The following ATRNL1 variants were observed in gnomAD, a reference collection of about 807,000 sequenced individuals.
ATRNL1 encodes the protein attractin like 1, also known as attractin-like protein 1.
In ATRNL1, 95 loss-of-function variants were observed where a neutral mutation model predicts 182.7. That is an observed-to-expected ratio of 0.52 (90% CI 0.44 to 0.62). The LOEUF (loss-of-function observed/expected upper bound fraction) is 0.62, where lower values mean the gene tolerates loss of function less well. ATRNL1 is among the 20% of genes least tolerant of loss of function. The probability of loss-of-function intolerance (pLI) is 0.00; values close to 1 mark genes in which losing one functional copy is unlikely to be tolerated. For synonymous variants in ATRNL1, 576 were observed against 568.3 expected, an observed-to-expected ratio of 1.01 and a Z score of -0.19; for missense variants, 1,471 against 1,679.5, an observed-to-expected ratio of 0.88 and a Z score of 2.17.
intron 18 of ATRNL1, among the ~76,000 whole-genome samples, chr10:115,321,011 G>A (rs530284148): frequency 4.6e-5 from 7 of 152,188 alleles, no homozygotes; most frequent in African/African-American, 7.2e-5. Flanking sequence ...ATCTTCTTGA[G>A]TTTGTCTAGT....
intron 27 of ATRNL1, among the ~76,000 whole-genome samples, chr10:115,743,156 A>G (rs1555068112): frequency 6.8e-6 from 1 of 148,070 alleles, no homozygotes; most frequent in Non-Finnish European, 1.5e-5. Flanking sequence ...GACACCACAC[A>G]TGGGGATTAC....
chr10:115,325,675 A>T lies in ATRNL1; in HGVS notation c.3038-8607A>T, dbSNP rs554611172. Among the ~76,000 whole-genome samples, 6 of 152,264 alleles carry T rather than the reference A, an allele frequency of 3.9e-5. No individual in the cohort carries two copies. In the East Asian group the frequency reaches 1.2e-3, roughly 29 times the overall value. On this transcript the variant is annotated intron_variant, in intron 18 of 28. Coordinates refer to ENST00000355044, the MANE Select transcript of ATRNL1 (RefSeq NM_207303.4). ...CCCTATGACTAACCTTTGTTTTCAG[A>T]ATTTTTCTTATTCAGGAAAGGAGGG...
chr10:115,518,879 A>G (rs181625042), intron 24 of ATRNL1, among the ~76,000 whole-genome samples: 1 of 151,850 alleles, frequency 6.6e-6, no homozygotes, highest in Non-Finnish European at 1.5e-5. Context: ...AAACATTTGT[A>G]TATATATATG....
At chr10:115,242,009 T>G (rs1592311164) in intron 10 of ATRNL1, among the ~76,000 whole-genome samples, 1 of 152,164 alleles carries the variant, frequency 6.6e-6, no homozygotes, top group East Asian at 1.9e-4. Context: ...GAACACTATA[T>G]CAGTTTATTG....
intron 27 of ATRNL1, chr10:115,820,343 GC>G (rs1950262942): frequency 6.6e-6 from 1 of 152,066 alleles, no homozygotes; most frequent in African/African-American, 2.4e-5. Flanking sequence ...CCCTAGTTGT[GC>G]GTATCTCCAG....
chr10:115,487,756 C>T (rs1335975067), intron 24 of ATRNL1, among the ~76,000 whole-genome samples: 1 of 152,148 alleles, frequency 6.6e-6, no homozygotes, highest in Non-Finnish European at 1.5e-5. Context: ...GCCAGAACTT[C>T]CAATACTATG....
At chr10:115,486,707 T>A (rs1401172811) in intron 24 of ATRNL1, among the ~76,000 whole-genome samples, 1 of 152,184 alleles carries the variant, frequency 6.6e-6, no homozygotes, top group Non-Finnish European at 1.5e-5. Context: ...TTCACTCTGA[T>A]AATAGTTTCT....
chr10:115,645,486 A>G (rs1859546988), intron 26 of ATRNL1, among the ~76,000 whole-genome samples: 1 of 147,540 alleles, frequency 6.8e-6, no homozygotes, highest in Non-Finnish European at 1.5e-5. Context: ...TATCTATATA[A>G]TAGAGATTTA....
intron 26 of ATRNL1, among the ~76,000 whole-genome samples, chr10:115,646,291 A>T (rs1747852921): frequency 6.6e-6 from 1 of 152,212 alleles, no homozygotes; most frequent in East Asian, 1.9e-4. Context: ...TGGACCCTTT[A>T]TTAGATAATT....
At chr10:115,159,846 A>G (rs1554882817) in intron 5 of ATRNL1, among the ~76,000 whole-genome samples, 194 bp from the exon 6 acceptor site, 1 of 151,794 alleles carries the variant, frequency 6.6e-6, no homozygotes, top group East Asian at 1.9e-4. Context: ...TTGTGAGTAT[A>G]TGACTTTTTT....
At chr10:115,525,683 A>G (rs1851174762) in intron 25 of ATRNL1, among the ~76,000 whole-genome samples, 1 of 151,978 alleles carries the variant, frequency 6.6e-6, no homozygotes, top group South Asian at 2.1e-4. Flanking sequence ...AGGCATTTCA[A>G]TTTCACTTGT....
chr10:115,439,694 C>G (rs1846574959), intron 21 of ATRNL1, among the ~76,000 whole-genome samples: 1 of 151,734 alleles, frequency 6.6e-6, no homozygotes, highest in Middle Eastern at 3.2e-3. Flanking sequence ...CTATTCTGGA[C>G]TATCCTGGTA....
At chr10:115,115,270 G>C (rs535006651) in intron 1 of ATRNL1, among the ~76,000 whole-genome samples, 4 of 152,032 alleles carry the variant, frequency 2.6e-5, no homozygotes, top group African/African-American at 9.6e-5. Flanking sequence ...TTGGTCAAAG[G>C]GTGCAAAGTT....
chr10:115,377,759 A>G (rs1482452592), intron 19 of ATRNL1, among the ~76,000 whole-genome samples: 1 of 152,054 alleles, frequency 6.6e-6, no homozygotes, highest in Non-Finnish European at 1.5e-5. Flanking sequence ...CTCTGAAATT[A>G]TGGTTGAATG....
At position 115,307,942 on chromosome 10, in the gene ATRNL1, CT is replaced by C. The variant is rs782116139; in HGVS notation, c.2818+5900del. 4.6e-4 allele frequency among the ~76,000 whole-genome samples: 9 copies of C among 19,682 alleles called. No individual in the cohort carries two copies. The Admixed American group carries it at 5.1e-3, about 11-fold the overall frequency. 12.9% of individuals were successfully genotyped at this position (19,682 alleles called of 152,430 possible). On this transcript the variant is annotated intron_variant, in intron 17 of 28. Transcript: ENST00000355044. ...TATATATTTACATTATCGTTTTCTACTACACGTCTATTCATTTAACATTTGA... is the reference window on the plus strand; with the variant it reads ...TATATATTTACATTATCGTTTTCTACACACGTCTATTCATTTAACATTTGA...
intron 18 of ATRNL1, among the ~76,000 whole-genome samples, chr10:115,319,778 T>C (rs1854491992): frequency 6.6e-6 from 1 of 152,214 alleles, no homozygotes; most frequent in East Asian, 1.9e-4. Flanking sequence ...TTTGAGCCTA[T>C]GTGTGTCTTT....
intron 8 of ATRNL1, among the ~76,000 whole-genome samples, chr10:115,189,555 T>A (rs1848087977): frequency 6.6e-6 from 1 of 151,968 alleles, no homozygotes; most frequent in Admixed American, 6.6e-5. Context: ...TAGCAAAAAA[T>A]TTTAAAAAAT....
chr10:115,415,362 G>C (rs1437154212), intron 20 of ATRNL1, among the ~76,000 whole-genome samples: 4 of 151,810 alleles, frequency 2.6e-5, no homozygotes, highest in Non-Finnish European at 4.4e-5. Context: ...TATTTTGCCA[G>C]TTTTTCTATA....
At chr10:115,372,516 T>A (rs1281929736) in intron 19 of ATRNL1, among the ~76,000 whole-genome samples, 1 of 152,216 alleles carries the variant, frequency 6.6e-6, no homozygotes, top group African/African-American at 2.4e-5. Context: ...GGATTACCTT[T>A]AAGTCGTTAA....
Sources: gnomAD v4.1 joint callset for allele counts (sites outside exome capture counted in the v4.1 genomes callset) on GRCh38, gnomAD v4.1.1 for gene constraint, MANE v1.5 for transcripts, NCBI Gene and HGNC (gene_info 2026-07-23, HGNC 2026-07-21) for gene names.